Variants in PPP1R9A observed in about 807,000 individuals in gnomAD.
PPP1R9A encodes the protein neurabin-1.
PPP1R9A carries 59 observed loss-of-function variants against 141.9 expected under a neutral mutation model. The ratio of observed to expected loss-of-function variants is 0.42; its 90% CI spans 0.34 to 0.52. The LOEUF is 0.52. PPP1R9A is among the 20% of genes least tolerant of loss of function. The pLI is 0.10. For synonymous variants in PPP1R9A, 500 were observed against 569.7 expected, an observed-to-expected ratio of 0.88 and a Z score of 1.74; for missense variants, 1,444 against 1,611.9, an observed-to-expected ratio of 0.90 and a Z score of 1.78.
Position 95,089,385 on chromosome 7 carries a change from A to T in PPP1R9A, c.1396-21874A>T, listed in dbSNP as rs191028544. Reference sequence around the variant, plus strand: ...TTATAGAGAACCATTCTGAAAGAATACAAGGTAGATATATCAAGAATACTC... The same window carrying T: ...TTATAGAGAACCATTCTGAAAGAATTCAAGGTAGATATATCAAGAATACTC... On this transcript the variant is annotated intron_variant, in intron 2 of 19. Transcript: ENST00000433360. Among the ~76,000 whole-genome samples, 295 of 152,216 alleles carry T rather than the reference A, an allele frequency of 1.9e-3. 7 individuals are homozygous for T. Among genetic ancestry groups the T allele is most frequent in the African/African-American group, 6.7e-3 (276 of 41,460 alleles).
Position 94,997,511 on chromosome 7 carries a change from T to C in PPP1R9A, c.1395+86003T>C, listed in dbSNP as rs990741571. On this transcript the variant is annotated intron_variant, in intron 2 of 19. Coordinates refer to ENST00000433360, the MANE Select transcript of PPP1R9A (RefSeq NM_001166160.2). Reference sequence around the variant, plus strand: ...TGGTGACACCCCTGTGGAGGCAGGGTAGCTCTCCTACTAAGATGTAACACT... The same window carrying C: ...TGGTGACACCCCTGTGGAGGCAGGGCAGCTCTCCTACTAAGATGTAACACT... 6.6e-5 allele frequency among the ~76,000 whole-genome samples: 10 copies of C among 152,264 alleles called. No individual in the cohort carries two copies. In the East Asian group the frequency reaches 1.2e-3, roughly 18 times the overall value.
intron 5 of PPP1R9A, among the ~76,000 whole-genome samples, chr7:95,180,833 T>C (rs1229606185): frequency 6.6e-6 from 1 of 152,046 alleles, no homozygotes; most frequent in Non-Finnish European, 1.5e-5. Context: ...ACCACCTTAC[T>C]CCTGCAAGAA....
At chr7:95,142,907 T>C (rs1170294305) in intron 4 of PPP1R9A, among the ~76,000 whole-genome samples, 25 of 152,122 alleles carry the variant, frequency 1.6e-4, no homozygotes, top group Non-Finnish European at 5.9e-5. Context: ...TTATTTATAT[T>C]TCCATTATAA....
chr7:95,094,917 C>T (rs927371896), intron 2 of PPP1R9A, among the ~76,000 whole-genome samples: 67 of 123,106 alleles, frequency 5.4e-4, no homozygotes, highest in Non-Finnish European at 1.6e-4. Context: ...GAACAAAAGG[C>T]GATTTTTACT....
chr7:94,978,142 G>A (rs1338205997), intron 2 of PPP1R9A, among the ~76,000 whole-genome samples: 1 of 152,174 alleles, frequency 6.6e-6, no homozygotes, highest in Non-Finnish European at 1.5e-5. Flanking sequence ...AGATTGTGAT[G>A]CAAAGCCTGT....
intron 5 of PPP1R9A, among the ~76,000 whole-genome samples, chr7:95,181,693 T>C (rs1388667486): frequency 7.6e-6 from 1 of 131,352 alleles, no homozygotes; most frequent in Non-Finnish European, 1.6e-5. Context: ...CCGTCACATA[T>C]ATATAGAATA....
At chr7:94,984,548 G>C (rs577584825) in intron 2 of PPP1R9A, among the ~76,000 whole-genome samples, 2 of 152,144 alleles carry the variant, frequency 1.3e-5, no homozygotes, top group East Asian at 3.9e-4. Flanking sequence ...CTTCTTCCTT[G>C]TTTAGTCTTG....
In PPP1R9A at chr7:94,928,243, G is replaced by T. The variant is rs182370021; in HGVS notation, c.1395+16735G>T. Among the ~76,000 whole-genome samples the T allele has an allele frequency of 6.5e-3, 988 of 151,654 alleles. 12 individuals carry two copies. The highest frequency in any genetic ancestry group is 0.023 in the African/African-American group (937 of 41,376). ...AGAACAGTTGGAGGAACATGAAGGG[G>T]GTGTGTGTGTGTGTAGTGTAAGAAT... On this transcript the variant is annotated intron_variant, in intron 2 of 19. Transcript: ENST00000433360.
intron 2 of PPP1R9A, among the ~76,000 whole-genome samples, chr7:95,068,314 A>G (rs775009699): frequency 4.0e-5 from 6 of 151,778 alleles, no homozygotes; most frequent in Non-Finnish European, 8.8e-5. Context: ...TACTAAAAAT[A>G]CAAAAATTAG....
chr7:95,031,937 G>T (rs1193877818), intron 2 of PPP1R9A, among the ~76,000 whole-genome samples: 2 of 152,134 alleles, frequency 1.3e-5, no homozygotes, highest in Non-Finnish European at 2.9e-5. Context: ...AATGCCTGAG[G>T]CAAAACCTCG....
At chr7:94,991,631 T>G (rs1041473822) in intron 2 of PPP1R9A, among the ~76,000 whole-genome samples, 65 of 152,190 alleles carry the variant, frequency 4.3e-4, no homozygotes, top group African/African-American at 1.3e-3. Context: ...CCTTTTTATT[T>G]TCACCACTCT....
Position 95,173,255 on chromosome 7 carries a change from G to A in PPP1R9A, c.1754+11284G>A, listed in dbSNP as rs142086551. 3.4e-3 allele frequency among the ~76,000 whole-genome samples: 509 copies of A among 151,940 alleles called. 3 individuals are homozygous for A. The highest frequency in any genetic ancestry group is 0.011 in the African/African-American group (442 of 41,508). On this transcript the variant is annotated intron_variant, in intron 5 of 19. Transcript: ENST00000433360. ...TGGACATACAGAGGGAAACGCTGTA[G>A]GTAATATACACTGGGGACTCTAAAA...
intron 2 of PPP1R9A, among the ~76,000 whole-genome samples, chr7:95,090,428 A>G (rs934006903): frequency 6.6e-6 from 1 of 151,996 alleles, no homozygotes; most frequent in Non-Finnish European, 1.5e-5. Context: ...ACTTATGCCC[A>G]TTGATCATTC....
chr7:95,193,296 A>G (rs963887698), intron 5 of PPP1R9A, among the ~76,000 whole-genome samples: 11 of 152,130 alleles, frequency 7.2e-5, no homozygotes, highest in African/African-American at 2.7e-4. Context: ...TTAACATTAC[A>G]CTTTTAAAAG....
chr7:94,997,352 ATGAC>A (rs1381064095), intron 2 of PPP1R9A, among the ~76,000 whole-genome samples: 2 of 152,080 alleles, frequency 1.3e-5, no homozygotes, highest in Non-Finnish European at 2.9e-5. Flanking sequence ...GTTGGATATT[ATGAC>A]TATTATACTA....
chr7:95,064,847 A>T (rs1333868827), intron 2 of PPP1R9A, among the ~76,000 whole-genome samples: 3 of 152,226 alleles, frequency 2.0e-5, no homozygotes, highest in African/African-American at 7.2e-5. Context: ...GGTATAACAT[A>T]TTAAAATGAC....
chr7:94,932,202 A>G (rs1234813781), intron 2 of PPP1R9A, among the ~76,000 whole-genome samples: 1 of 152,196 alleles, frequency 6.6e-6, no homozygotes, highest in African/African-American at 2.4e-5. Context: ...GATTATGATG[A>G]TGATGATTTT....
chr7:95,004,187 T>C (rs774781672), intron 2 of PPP1R9A, among the ~76,000 whole-genome samples: 7 of 152,062 alleles, frequency 4.6e-5, no homozygotes, highest in Admixed American at 3.3e-4. Flanking sequence ...AGGTAATCTG[T>C]CATAAAAATA....
chr7:94,970,740 A>G (rs1798775685), intron 2 of PPP1R9A, among the ~76,000 whole-genome samples: 1 of 149,636 alleles, frequency 6.7e-6, no homozygotes. Flanking sequence ...GGTTCAAGCG[A>G]TTCTTCTGCC....
Sources: gnomAD v4.1 joint callset for allele counts (sites outside exome capture counted in the v4.1 genomes callset) on GRCh38, gnomAD v4.1.1 for gene constraint, MANE v1.5 for transcripts, NCBI Gene and HGNC (gene_info 2026-07-23, HGNC 2026-07-21) for gene names.